Variants in ASTN2 observed in about 807,000 individuals in gnomAD.
ASTN2 encodes the protein astrotactin-2.
In ASTN2, 54 loss-of-function variants were observed where a neutral mutation model predicts 139.8. The ratio of observed to expected loss-of-function variants is 0.39; its 90% CI spans 0.31 to 0.48. The LOEUF (loss-of-function observed/expected upper bound fraction) is 0.48, where lower values mean the gene tolerates loss of function less well. ASTN2 is among the 20% of genes least tolerant of loss of function. ASTN2 has a pLI of 0.95. For synonymous variants in ASTN2, 756 were observed against 719.5 expected (o/e 1.05, Z -0.81); for missense variants, 1,565 against 1,725.1 (o/e 0.91, Z 1.64).
Position 117,006,328 on chromosome 9 carries a change from C to G in ASTN2, c.1591+1764G>C, listed in dbSNP as rs893887769. On this transcript the variant is annotated intron_variant, in intron 7 of 22. Coordinates refer to ENST00000313400, the MANE Select transcript of ASTN2 (RefSeq NM_001365068.1). ...CTTTATCTTCCTCACCCAACCCTGA[C>G]CTTCCCACTGCATCCCCTGACTCAG... is the stretch of plus-strand genomic sequence containing the variant. 1.3e-5 allele frequency among the ~76,000 whole-genome samples: 2 copies of G among 152,186 alleles called. 1 individual carries two copies.
intron 1 of ASTN2, among the ~76,000 whole-genome samples, chr9:117,384,837 G>A (rs990977634): frequency 1.3e-5 from 2 of 152,232 alleles, no homozygotes; most frequent in Non-Finnish European, 2.9e-5. Flanking sequence ...GTGAATGGAT[G>A]TTGGATGAAG....
chr9:117,189,337 A>G (rs548664179), intron 3 of ASTN2, among the ~76,000 whole-genome samples: 3 of 152,250 alleles, frequency 2.0e-5, no homozygotes, highest in East Asian at 3.9e-4. Flanking sequence ...CATGGGCTGG[A>G]ACATGGATAG....
chr9:117,268,235 C>T (rs1275327535), intron 2 of ASTN2, among the ~76,000 whole-genome samples: 4 of 152,262 alleles, frequency 2.6e-5, no homozygotes, highest in Admixed American at 6.5e-5. Context: ...GTCCCCAGCC[C>T]TTGTCATGAA....
intron 16 of ASTN2, among the ~76,000 whole-genome samples, chr9:116,718,972 G>GTGTGTGTGTGTATATA (rs56991546): frequency 2.3e-4 from 23 of 100,016 alleles, no homozygotes; most frequent in African/African-American, 8.8e-4. Flanking sequence ...ACCTGTATCT[G>GTGTGTGTGTGTATATA]TACATATATA....
intron 1 of ASTN2, among the ~76,000 whole-genome samples, chr9:117,391,128 T>A (rs1040269010): frequency 6.6e-6 from 1 of 152,168 alleles, no homozygotes; most frequent in East Asian, 1.9e-4. Flanking sequence ...TAGGGAACCC[T>A]AGGAATCTGA....
chr9:116,739,232 A>G (rs897699440), intron 13 of ASTN2, among the ~76,000 whole-genome samples: 2 of 152,186 alleles, frequency 1.3e-5, no homozygotes. Context: ...TACTAGGGAT[A>G]CAGCAGTGGA....
intron 19 of ASTN2, among the ~76,000 whole-genome samples, chr9:116,493,071 G>A (rs754913636): frequency 1.3e-5 from 2 of 152,088 alleles, no homozygotes; most frequent in African/African-American, 4.8e-5. Flanking sequence ...TTGAATTCCA[G>A]AACTGTGCTG....
intron 10 of ASTN2, among the ~76,000 whole-genome samples, chr9:116,875,295 T>C (rs1564317224): frequency 6.6e-6 from 1 of 152,340 alleles, no homozygotes; most frequent in African/African-American, 2.4e-5. Context: ...TTATGGAGAA[T>C]GTTTTAGAGG....
chr9:116,719,925 A>C (rs1288654266), intron 16 of ASTN2, among the ~76,000 whole-genome samples: 2 of 152,184 alleles, frequency 1.3e-5, no homozygotes, highest in Non-Finnish European at 2.9e-5. Flanking sequence ...TGTCCGCAGG[A>C]TATTGAATCA....
chr9:117,086,350 G>A (rs1371277518), intron 5 of ASTN2, among the ~76,000 whole-genome samples: 8 of 152,106 alleles, frequency 5.3e-5, no homozygotes, highest in African/African-American at 7.2e-5. Context: ...CGAGGCAGGC[G>A]GATCACAAGG....
intron 19 of ASTN2, among the ~76,000 whole-genome samples, chr9:116,494,466 T>C (rs1173084314): frequency 6.6e-6 from 1 of 152,168 alleles, no homozygotes; most frequent in Admixed American, 6.5e-5. Context: ...TGCTTTTAGG[T>C]GCATTACATC....
At chr9:116,491,822 A>G (rs955561502) in intron 19 of ASTN2, among the ~76,000 whole-genome samples, 1 of 152,196 alleles carries the variant, frequency 6.6e-6, no homozygotes, top group Non-Finnish European at 1.5e-5. Flanking sequence ...CAACCATACA[A>G]TTGAATGAGC....
intron 16 of ASTN2, chr9:116,697,680 G>C: frequency 1.2e-6 from 2 of 1,603,570 alleles, no homozygotes; most frequent in Admixed American, 3.3e-5. Flanking sequence ...TGACCCTCTA[G>C]GGCATGAATA....
chr9:116,705,641 TAATATG>T (rs1827970427), intron 16 of ASTN2, among the ~76,000 whole-genome samples: 1 of 152,312 alleles, frequency 6.6e-6, no homozygotes, highest in South Asian at 2.1e-4. Context: ...TAGCAATACT[TAATATG>T]AGTAATGAAT....
In ASTN2 at chr9:117,271,280, C is replaced by T. The variant is rs115932428; in HGVS notation, c.630+20046G>A. Among the ~76,000 whole-genome samples the T allele has an allele frequency of 2.4e-3, 358 of 152,236 alleles. 2 individuals are homozygous for T. Among genetic ancestry groups the T allele is most frequent in the African/African-American group, 8.1e-3 (336 of 41,528 alleles). On this transcript the variant is annotated intron_variant, in intron 2 of 22. Coordinates refer to ENST00000313400, the MANE Select transcript of ASTN2 (RefSeq NM_001365068.1). ...AAAGCAGAAACCCCAATAAACCCAC[C>T]AGATCTCATGAGACTTATTCACTGT...
Position 116,698,145 on chromosome 9 carries a change from A to G in ASTN2, c.2806+27626T>C, listed in dbSNP as rs770696637. On this transcript the variant is annotated intron_variant, in intron 16 of 22. Coordinates refer to ENST00000313400, the MANE Select transcript of ASTN2 (RefSeq NM_001365068.1). The surrounding 1 kb of genome is among the most constrained non-coding windows in gnomAD (Gnocchi z 4.4). ...AGACCATCAGCCTCCTGGCCACTGT[A>G]CACTCCCTGTCAAAGAAGCAGCTGA... 10 of 1,613,980 alleles carry G rather than the reference A, an allele frequency of 6.2e-6. No individual in the cohort carries two copies. In the South Asian group the frequency reaches 7.7e-5, roughly 12 times the overall value.
At chr9:117,391,448 A>G (rs1335216713) in intron 1 of ASTN2, among the ~76,000 whole-genome samples, 1 of 152,212 alleles carries the variant, frequency 6.6e-6, no homozygotes, top group Non-Finnish European at 1.5e-5. Context: ...CAGCTTGTGC[A>G]GAGAAACTCT....
intron 10 of ASTN2, among the ~76,000 whole-genome samples, chr9:116,898,877 G>T (rs552966958): frequency 6.6e-6 from 1 of 151,902 alleles, no homozygotes; most frequent in African/African-American, 2.4e-5. Flanking sequence ...TCACTATATC[G>T]CCCTAGCTGG....
intron 2 of ASTN2, among the ~76,000 whole-genome samples, chr9:117,225,775 A>G (rs1832694615): frequency 1.3e-5 from 2 of 151,698 alleles, no homozygotes; most frequent in African/African-American, 4.8e-5. Flanking sequence ...GCCATTCACC[A>G]AAAAGGCTGT....
Sources: allele counts gnomAD v4.1 joint callset (sites outside exome capture counted in the v4.1 genomes callset), GRCh38; gene constraint gnomAD v4.1.1; non-coding constraint Gnocchi (gnomAD v3.1); transcripts MANE v1.5; gene names NCBI Gene and HGNC (gene_info 2026-07-23, HGNC 2026-07-21).